Variants in NCKAP5 observed in about 807,000 individuals in gnomAD.
The protein encoded by NCKAP5 is NCK associated protein 5, also known as nck-associated protein 5.
A neutral mutation model predicts 167.0 loss-of-function variants in NCKAP5; 92 were observed. The observed-to-expected ratio is 0.55, with a 90% CI of 0.47 to 0.66. The LOEUF (loss-of-function observed/expected upper bound fraction) is 0.66. Ranked by LOEUF, NCKAP5 falls within the 30% of genes least tolerant of loss-of-function variation. The pLI is 0.00. For synonymous variants in NCKAP5, 891 were observed against 877.4 expected (o/e 1.02, Z -0.27); for missense variants, 2,378 against 2,315.0 (o/e 1.03, Z -0.56).
chr2:132,718,337 T>A (rs1689569206), intron 19 of NCKAP5, among the ~76,000 whole-genome samples: 1 of 152,246 alleles, frequency 6.6e-6, no homozygotes, highest in Non-Finnish European at 1.5e-5. Flanking sequence ...AGAACAGATA[T>A]TGGAAGAGCG....
intron 3 of NCKAP5, among the ~76,000 whole-genome samples, chr2:133,403,377 T>C (rs1688220110): frequency 1.3e-5 from 2 of 152,210 alleles, no homozygotes; most frequent in Non-Finnish European, 2.9e-5. Flanking sequence ...AAGAGTAAAG[T>C]AAATGGCCTG....
chr2:133,508,325 C>T (rs1465443463), intron 3 of NCKAP5, among the ~76,000 whole-genome samples: 1 of 152,194 alleles, frequency 6.6e-6, no homozygotes, highest in Non-Finnish European at 1.5e-5. Context: ...CAGCCCTCCT[C>T]CTTGGGGAAG....
chr2:132,678,988 A>G (rs1433219926), intron 19 of NCKAP5, among the ~76,000 whole-genome samples: 2 of 152,188 alleles, frequency 1.3e-5, no homozygotes, highest in East Asian at 3.9e-4. Context: ...CTGGGCGTCT[A>G]TTATTGGAAT....
intron 19 of NCKAP5, among the ~76,000 whole-genome samples, chr2:132,691,330 G>C (rs1686698426): frequency 6.6e-6 from 1 of 152,110 alleles, no homozygotes; most frequent in Admixed American, 6.6e-5. Context: ...CTCCTCAGAT[G>C]GTTTCCCTTT....
intron 5 of NCKAP5, among the ~76,000 whole-genome samples, chr2:133,197,407 C>T (rs1031123653): frequency 1.3e-5 from 2 of 152,192 alleles, no homozygotes; most frequent in African/African-American, 4.8e-5. Flanking sequence ...CCTCACCTGG[C>T]CAATTGCCAG....
intron 6 of NCKAP5, among the ~76,000 whole-genome samples, chr2:133,083,067 T>C (rs1390698839): frequency 6.6e-6 from 1 of 152,116 alleles, no homozygotes; most frequent in Non-Finnish European, 1.5e-5. Flanking sequence ...GGATACCCTG[T>C]GAGTTTCTGT....
intron 19 of NCKAP5, among the ~76,000 whole-genome samples, chr2:132,715,903 C>G (rs1689328439): frequency 6.6e-6 from 1 of 152,188 alleles, no homozygotes; most frequent in African/African-American, 2.4e-5. Context: ...CAGCTTCTCC[C>G]TCCCAATGAA....
chr2:133,072,765 C>G (rs1450480393), intron 6 of NCKAP5, among the ~76,000 whole-genome samples: 1 of 152,002 alleles, frequency 6.6e-6, no homozygotes, highest in Non-Finnish European at 1.5e-5. Flanking sequence ...TGCTTGTGAA[C>G]AAAAATTAAG....
chr2:132,778,292 T>A (rs1473659565), intron 15 of NCKAP5, among the ~76,000 whole-genome samples: 2 of 152,082 alleles, frequency 1.3e-5, no homozygotes, highest in Non-Finnish European at 2.9e-5. Flanking sequence ...TATAAGCTTC[T>A]AATTAAGGCT....
intron 11 of NCKAP5, among the ~76,000 whole-genome samples, chr2:132,857,477 T>C (rs1386837931): frequency 2.6e-5 from 4 of 152,194 alleles, no homozygotes; most frequent in African/African-American, 9.6e-5. Context: ...AGCTCTTTAC[T>C]AGCTGCCAAC....
intron 8 of NCKAP5, among the ~76,000 whole-genome samples, chr2:132,939,194 CT>C (rs1697089778): frequency 6.6e-6 from 1 of 152,146 alleles, no homozygotes. Context: ...CTCCCCACAG[CT>C]TAATTTATTA....
chr2:133,294,454 T>A (rs988067114), intron 4 of NCKAP5, among the ~76,000 whole-genome samples: 1 of 152,214 alleles, frequency 6.6e-6, no homozygotes, highest in Admixed American at 6.5e-5. Context: ...TTTTTCTTCT[T>A]ACCTGTATTT....
the NCKAP5 span, among the ~76,000 whole-genome samples, chr2:133,657,163 A>C: frequency 6.6e-6 from 1 of 152,192 alleles, no homozygotes; most frequent in African/African-American, 2.4e-5. Flanking sequence ...TGCCACCACC[A>C]CCATCACACA....
chr2:133,583,763 T>C, the NCKAP5 span, among the ~76,000 whole-genome samples: 3 of 152,220 alleles, frequency 2.0e-5, no homozygotes, highest in African/African-American at 7.2e-5. Context: ...CTTTTTTTTT[T>C]CTTGTTTTGA....
At chr2:132,732,878 C>A (rs969580227) in intron 16 of NCKAP5, among the ~76,000 whole-genome samples, 1 of 152,150 alleles carries the variant, frequency 6.6e-6, no homozygotes, top group Non-Finnish European at 1.5e-5. Context: ...CCAAAGGGTA[C>A]CTTTCCCATC....
chr2:133,602,837 G>C, the NCKAP5 span, among the ~76,000 whole-genome samples: 2 of 152,198 alleles, frequency 1.3e-5, no homozygotes, highest in Non-Finnish European at 2.9e-5. Flanking sequence ...GGTGACTCCA[G>C]TGGCAGAGTG....
intron 3 of NCKAP5, among the ~76,000 whole-genome samples, chr2:133,458,299 A>C (rs1691984364): frequency 6.6e-6 from 1 of 152,192 alleles, no homozygotes. Context: ...AAACTCTTTC[A>C]ACAATGAAAG....
intron 7 of NCKAP5, among the ~76,000 whole-genome samples, chr2:132,973,139 C>T (rs949025769): frequency 2.0e-5 from 3 of 152,166 alleles, no homozygotes; most frequent in Non-Finnish European, 4.4e-5. Flanking sequence ...CTTCTGCCTT[C>T]TACACCGTCA....
intron 9 of NCKAP5, among the ~76,000 whole-genome samples, chr2:132,873,304 G>A (rs1690984600): frequency 6.6e-6 from 1 of 152,012 alleles, no homozygotes; most frequent in Non-Finnish European, 1.5e-5. Context: ...TAGTGGAGAT[G>A]GGGTTTCACC....
Sources: gnomAD v4.1 joint callset for allele counts (sites outside exome capture counted in the v4.1 genomes callset) on GRCh38, gnomAD v4.1.1 for gene constraint, MANE v1.5 for transcripts, NCBI Gene and HGNC (gene_info 2026-07-23, HGNC 2026-07-21) for gene names.